Variants in ESRRG observed in about 807,000 individuals in gnomAD.
ESRRG encodes estrogen related receptor gamma, also known as estrogen-related receptor gamma.
Under a neutral mutation model 44.0 loss-of-function variants are expected in ESRRG, and 13 were observed. The ratio of observed to expected loss-of-function variants is 0.30; its 90% CI spans 0.19 to 0.47. ESRRG has a LOEUF of 0.47. Among genes scored for constraint, ESRRG ranks in the 20% least tolerant of loss-of-function variants. ESRRG has a pLI of 1.00. For synonymous variants in ESRRG, 215 were observed against 214.6 expected (o/e 1.00, Z -0.02); for missense variants, 395 against 580.6 (o/e 0.68, Z 3.29).
At position 216,831,504 on chromosome 1, in the gene ESRRG, A is replaced by AAG. The variant is rs1166946915; in HGVS notation, c.-14+108076_-14+108077dup. On this transcript the variant is annotated intron_variant, in intron 2 of 7. Transcript: ENST00000359162. ...CGGGGGGAGGAAAGAGGAGGAGAAA[A>AAG]AGAGAGAGAGAGAAAGAGGCAGGGG... Among the ~76,000 whole-genome samples, 4 of 148,630 alleles carry AAG rather than the reference A, an allele frequency of 2.7e-5. No homozygotes were observed. The East Asian group carries it at 6.3e-4, about 23-fold the overall frequency.
At chr1:216,811,189 G>A (rs530306716) in intron 2 of ESRRG, among the ~76,000 whole-genome samples, 19 of 152,178 alleles carry the variant, frequency 1.2e-4, no homozygotes, top group Admixed American at 3.3e-4. Context: ...GGAGAAGATA[G>A]GACCTATCAA....
chr1:216,909,539 C>T (rs2060076149), intron 2 of ESRRG, among the ~76,000 whole-genome samples: 2 of 151,818 alleles, frequency 1.3e-5, no homozygotes, highest in South Asian at 4.2e-4. Context: ...TCACTCTCAC[C>T]CAGGCTGGAG....
At chr1:216,964,231 A>C (rs2069753065) in intron 1 of ESRRG, among the ~76,000 whole-genome samples, 1 of 152,198 alleles carries the variant, frequency 6.6e-6, no homozygotes, top group Non-Finnish European at 1.5e-5. Flanking sequence ...CACTGGCACA[A>C]AGTAAACGTA....
At chr1:216,857,877 T>C (rs1353817474) in intron 2 of ESRRG, among the ~76,000 whole-genome samples, 1 of 152,160 alleles carries the variant, frequency 6.6e-6, no homozygotes, top group Non-Finnish European at 1.5e-5. Context: ...ACTAATTTTG[T>C]TAAAAAACTT....
Position 216,745,212 on chromosome 1 carries a change from G to GCA in ESRRG, c.-13-67723_-13-67722dup, listed in dbSNP as rs2091253835. ...CTCACTCTGTCACCCAGGCTGGAGT[G>GCA]CAGTGGCACAACCATGACACACTGC... On this transcript the variant is annotated intron_variant, in intron 2 of 7. Transcript: ENST00000359162. Among the ~76,000 whole-genome samples the GCA allele has an allele frequency of 2.0e-5, 3 of 152,058 alleles. 1 individual carries two copies. The South Asian group carries it at 6.2e-4, about 32-fold the overall frequency.
intron 1 of ESRRG, among the ~76,000 whole-genome samples, chr1:216,942,578 A>AT (rs1226783733): frequency 6.6e-6 from 1 of 151,974 alleles, no homozygotes; most frequent in Non-Finnish European, 1.5e-5. Flanking sequence ...AACATCTGTT[A>AT]TTTTTTCATT....
chr1:216,519,046 T>C (rs1476613888), intron 6 of ESRRG, 106 bp downstream of exon 6: 1 of 978,670 alleles, frequency 1.0e-6, no homozygotes, highest in Non-Finnish European at 1.5e-6. Context: ...TGCTGACTCA[T>C]ACAAAATTTA....
At chr1:216,566,157 T>C (rs1208452003) in intron 4 of ESRRG, among the ~76,000 whole-genome samples, 1 of 152,104 alleles carries the variant, frequency 6.6e-6, no homozygotes, top group Non-Finnish European at 1.5e-5. Context: ...CTAATTAGAA[T>C]CAATAGAACC....
At chr1:216,984,802 G>A (rs1004279610) in intron 1 of ESRRG, among the ~76,000 whole-genome samples, 7 of 152,176 alleles carry the variant, frequency 4.6e-5, no homozygotes, top group Non-Finnish European at 8.8e-5. Context: ...CTACATACCC[G>A]TGGATTTGTG....
At chr1:216,565,867 T>C (rs558851801) in intron 4 of ESRRG, among the ~76,000 whole-genome samples, 3 of 152,286 alleles carry the variant, frequency 2.0e-5, no homozygotes, top group South Asian at 2.1e-4. Flanking sequence ...AGTTTCAACT[T>C]TCATTGCTCT....
chr1:216,965,546 ATCTAGAGCCTATGCCCG>A (rs1249525156), intron 1 of ESRRG, among the ~76,000 whole-genome samples: 5 of 152,158 alleles, frequency 3.3e-5, no homozygotes, highest in African/African-American at 1.2e-4. Context: ...GGACATGCCC[ATCTAGAGCCTATGCCCG>A]TCTTCTAGGA....
At chr1:217,086,446 C>T (rs6660872) in intron 1 of ESRRG, among the ~76,000 whole-genome samples, 25,723 of 152,108 alleles carry the variant, frequency 0.17, 2,411 homozygotes, top group Admixed American at 0.23. Context: ...ACAAAGTCCT[C>T]GCACTAACAA....
intron 2 of ESRRG, among the ~76,000 whole-genome samples, chr1:216,823,284 G>A (rs530858189): frequency 6.6e-5 from 10 of 152,176 alleles, no homozygotes; most frequent in African/African-American, 2.4e-4. Context: ...ACTATTTAAT[G>A]TATTTACAAT....
At chr1:216,791,575 T>C (rs1479661635) in intron 2 of ESRRG, among the ~76,000 whole-genome samples, 1 of 152,134 alleles carries the variant, frequency 6.6e-6, no homozygotes, top group African/African-American at 2.4e-5. Context: ...CTCAGACACA[T>C]GCCCTTCATC....
At chr1:216,961,779 T>C (rs551732581) in intron 1 of ESRRG, among the ~76,000 whole-genome samples, 44 of 152,320 alleles carry the variant, frequency 2.9e-4, no homozygotes, top group Non-Finnish European at 5.1e-4. Context: ...TTGATACTAG[T>C]AAAACTTCAT....
intron 1 of ESRRG, among the ~76,000 whole-genome samples, chr1:217,127,838 G>A (rs1219170104): frequency 6.6e-6 from 1 of 152,166 alleles, no homozygotes; most frequent in African/African-American, 2.4e-5. Context: ...CGTTAAAAAG[G>A]AAACACACTA....
At chr1:217,137,213 T>C (rs1214927521) in intron 1 of ESRRG, among the ~76,000 whole-genome samples, 2 of 152,216 alleles carry the variant, frequency 1.3e-5, no homozygotes, top group East Asian at 1.9e-4. Flanking sequence ...GGGTCCCCCA[T>C]GCAGTTTATG....
intron 1 of ESRRG, among the ~76,000 whole-genome samples, chr1:217,053,320 T>A (rs908247018): frequency 2.0e-5 from 3 of 151,684 alleles, no homozygotes; most frequent in African/African-American, 7.3e-5. Flanking sequence ...CCAGGCATAG[T>A]AGTAGGTGCC....
chr1:216,664,026 T>G (rs2151280149), intron 2 of ESRRG, among the ~76,000 whole-genome samples: 1 of 152,298 alleles, frequency 6.6e-6, no homozygotes, highest in South Asian at 2.1e-4. Flanking sequence ...AAGACTTAGT[T>G]CTTACTGTCT....
Sources: gnomAD v4.1 joint callset for allele counts (sites outside exome capture counted in the v4.1 genomes callset) on GRCh38, gnomAD v4.1.1 for gene constraint, MANE v1.5 for transcripts, NCBI Gene and HGNC (gene_info 2026-07-23, HGNC 2026-07-21) for gene names.